PTPN3: variants seen among roughly 807,000 people sequenced by gnomAD.
PTPN3 encodes tyrosine-protein phosphatase non-receptor type 3.
Under a neutral mutation model 132.7 loss-of-function variants are expected in PTPN3, and 96 were observed. The ratio of observed to expected loss-of-function variants is 0.72; its 90% CI spans 0.61 to 0.86. The LOEUF (loss-of-function observed/expected upper bound fraction) is 0.86, where lower values mean the gene tolerates loss of function less well. PTPN3 is among the 40% of genes least tolerant of loss of function. The probability of loss-of-function intolerance (pLI) is 0.00; values close to 1 mark genes in which losing one functional copy is unlikely to be tolerated. For synonymous variants in PTPN3, 398 were observed against 429.0 expected, an observed-to-expected ratio of 0.93 and a Z score of 0.89; for missense variants, 1,125 against 1,159.6, an observed-to-expected ratio of 0.97 and a Z score of 0.43.
At chr9:109,503,678 G>A in the PTPN3 span, among the ~76,000 whole-genome samples, 3,824 of 150,652 alleles carry the variant, frequency 0.025, 68 homozygotes, top group Non-Finnish European at 0.041. Flanking sequence ...CACTAACTGC[G>A]CTCCAGCCTG....
upstream of PTPN3, among the ~76,000 whole-genome samples, chr9:109,501,874 G>A (rs957971544): frequency 3.9e-5 from 6 of 152,214 alleles, no homozygotes; most frequent in Non-Finnish European, 8.8e-5. Context: ...ATGACAGAGA[G>A]CTGATAGTCC....
Position 109,426,300 on chromosome 9 carries a change from ATT to A in PTPN3, c.1001+648_1001+649del, listed in dbSNP as rs557563973. ...ATTTAAAAATTTATATATTATATAT[ATT>A]TATACATAAATATATATAAATTTAC... On this transcript the variant is annotated intron_variant, in intron 12 of 25. Transcript: ENST00000374541. Among the ~76,000 whole-genome samples, 1,171 of 149,036 alleles carry A rather than the reference ATT, an allele frequency of 7.9e-3. 13 individuals are homozygous for A. The highest frequency in any genetic ancestry group is 0.027 in the African/African-American group (1,107 of 41,018).
intron 4 of PTPN3, among the ~76,000 whole-genome samples, chr9:109,455,784 G>T (rs1376100463): frequency 6.6e-6 from 1 of 152,176 alleles, no homozygotes; most frequent in Non-Finnish European, 1.5e-5. Context: ...CCTCTGGGCT[G>T]TCTGCACACT....
chr9:109,510,580 T>A, the PTPN3 span, among the ~76,000 whole-genome samples: 132 of 46,532 alleles, frequency 2.8e-3, no homozygotes, highest in Non-Finnish European at 4.6e-3. Context: ...AAAAAAAATA[T>A]ATATATATAT....
At chr9:109,383,591 G>A in intron 22 of PTPN3, 40 bp from the exon 23 acceptor site, 1 of 1,604,768 alleles carries the variant, frequency 6.2e-7, no homozygotes, top group Non-Finnish European at 8.5e-7. Context: ...CCCGTCTGTG[G>A]GGTGTTCCTG....
At chr9:109,389,850 C>T (rs1201539862) in intron 21 of PTPN3, among the ~76,000 whole-genome samples, 1 of 152,188 alleles carries the variant, frequency 6.6e-6, no homozygotes, top group African/African-American at 2.4e-5. Context: ...GCTTCCAATG[C>T]TTGTATCATG....
the PTPN3 span, among the ~76,000 whole-genome samples, chr9:109,537,355 T>C: frequency 6.6e-6 from 1 of 152,180 alleles, no homozygotes; most frequent in Non-Finnish European, 1.5e-5. Context: ...TAGGGCATAT[T>C]ACTTGAATAG....
the PTPN3 span, among the ~76,000 whole-genome samples, chr9:109,515,184 A>G: frequency 2.0e-5 from 3 of 152,076 alleles, no homozygotes; most frequent in African/African-American, 7.2e-5. Context: ...CACTATGCCT[A>G]GCTAATTTTT....
chr9:109,438,630 G>A (rs1439337029), intron 7 of PTPN3, among the ~76,000 whole-genome samples: 5 of 152,132 alleles, frequency 3.3e-5, no homozygotes, highest in South Asian at 2.1e-4. Flanking sequence ...TGCCACACAC[G>A]GTGCAGGCTT....
At chr9:109,399,217 G>C (rs185308700) in intron 19 of PTPN3, among the ~76,000 whole-genome samples, 3 of 152,156 alleles carry the variant, frequency 2.0e-5, no homozygotes, top group Non-Finnish European at 2.9e-5. Flanking sequence ...GCTGGAGTAC[G>C]GTGGTATGAC....
At chr9:109,438,560 C>T (rs1314818011) in intron 7 of PTPN3, among the ~76,000 whole-genome samples, 1 of 152,234 alleles carries the variant, frequency 6.6e-6, no homozygotes, top group Non-Finnish European at 1.5e-5. Flanking sequence ...GTCAGCACAG[C>T]AGTTTGCACT....
rs1000983673 is a variant in PTPN3, at chr9:109,409,814, A to T, written c.1578+185T>A. On this transcript the variant is annotated intron_variant, in intron 16 of 25. Coordinates refer to ENST00000374541, the MANE Select transcript of PTPN3 (RefSeq NM_002829.4). ...GGCGATAAAGTGAGTTTTTAAAAAAAAACAAAAAAAACCCCAAATATCTCA... is the reference window on the plus strand; with the variant it reads ...GGCGATAAAGTGAGTTTTTAAAAAATAACAAAAAAAACCCCAAATATCTCA... Among the ~76,000 whole-genome samples, 4 of 152,186 alleles carry T rather than the reference A, an allele frequency of 2.6e-5. No individual in the cohort carries two copies. The South Asian group carries it at 8.3e-4, about 32-fold the overall frequency.
At chr9:109,458,753 G>C (rs964990604) in intron 2 of PTPN3, among the ~76,000 whole-genome samples, 2 of 152,186 alleles carry the variant, frequency 1.3e-5, no homozygotes, top group Non-Finnish European at 2.9e-5. Flanking sequence ...GGTGGGGAAA[G>C]AATGACCCAG....
chr9:109,394,015 C>T (rs1380039387), intron 19 of PTPN3, among the ~76,000 whole-genome samples: 1 of 152,216 alleles, frequency 6.6e-6, no homozygotes, highest in East Asian at 1.9e-4. Flanking sequence ...TCATAACCAT[C>T]AGGCAGCTGA....
intron 8 of PTPN3, 44 bp downstream of exon 8, chr9:109,438,070 A>T (rs1844185949): frequency 6.3e-7 from 1 of 1,575,188 alleles, no homozygotes; most frequent in Admixed American, 1.9e-5. Flanking sequence ...GTCTGAAAAT[A>T]CCCAACCCAA....
At position 109,404,514 on chromosome 9, in the gene PTPN3, A is replaced by G; in HGVS notation, c.1887T>C (p.Thr629=). Residue 629 remains threonine, a synonymous_variant, in exon 19 of 26, where the codon ACT becomes ACC. Transcript: ENST00000374541. ...TTAGCTGTGCCATGGATCCCTCCAA[A>G]GTGTCCCCACCCTCCGGACACATGG... is the stretch of plus-strand genomic sequence containing the variant. The part of the protein sequence containing the change: ...IFPMCPEGGD[T]LEGSMAQLKK... The G allele has an allele frequency of 6.4e-7, 1 of 1,565,374 alleles. No individual in the cohort carries two copies.
chr9:109,488,093 CTTTT>C (rs766663409), intron 1 of PTPN3, among the ~76,000 whole-genome samples: 4 of 121,158 alleles, frequency 3.3e-5, no homozygotes, highest in African/African-American at 6.1e-5. Flanking sequence ...GAGGGAAGTA[CTTTT>C]TTTTTTTTTT....
chr9:109,422,320 G>A (rs1172937925), intron 13 of PTPN3, among the ~76,000 whole-genome samples: 4 of 152,056 alleles, frequency 2.6e-5, no homozygotes, highest in Admixed American at 2.0e-4. Flanking sequence ...TTTACATCAC[G>A]TACCTGCGTT....
At chr9:109,533,827 C>T in the PTPN3 span, 2 of 871,438 alleles carry the variant, frequency 2.3e-6, no homozygotes, top group Non-Finnish European at 3.8e-6. Context: ...CGTTCTTTCC[C>T]CCACTCTCGC....
Sources: allele counts gnomAD v4.1 joint callset (sites outside exome capture counted in the v4.1 genomes callset), GRCh38; gene constraint gnomAD v4.1.1; transcripts MANE v1.5; gene names NCBI Gene and HGNC (gene_info 2026-07-23, HGNC 2026-07-21).